HSPD1: variants seen among roughly 807,000 people sequenced by gnomAD.
HSPD1 encodes the protein heat shock protein family D (Hsp60) member 1.
A neutral mutation model predicts 53.0 loss-of-function variants in HSPD1; 3 were observed. The observed-to-expected ratio is 0.06, with a 90% confidence interval of 0.03 to 0.15. The LOEUF is 0.15. Among genes scored for constraint, HSPD1 ranks in the 10% least tolerant of loss-of-function variants. The pLI is 1.00. For synonymous variants in HSPD1, 200 were observed against 228.0 expected, an observed-to-expected ratio of 0.88 and a Z score of 1.10; for missense variants, 431 against 694.1, an observed-to-expected ratio of 0.62 and a Z score of 4.26.
At chr2:197,487,657 G>A (rs2086042942) in intron 11 of HSPD1, among the ~76,000 whole-genome samples, 2 of 152,166 alleles carry the variant, frequency 1.3e-5, no homozygotes, top group Admixed American at 6.5e-5. Context: ...GCTACTCAAG[G>A]GATCCTGCTT....
chr2:197,499,404 C>A (rs1263763509), intron 1 of HSPD1: 1 of 164,106 alleles, frequency 6.1e-6, no homozygotes, highest in Non-Finnish European at 1.3e-5. Flanking sequence ...ACGCCCCCAG[C>A]AAGGTCAAGA....
rs980862898 is a variant in HSPD1 at position 197,486,730 on chromosome 2, G to C, written c.*316C>G. ...AAGCACTAAAATCCTGATTTTAACA[G>C]AATAGTAGTAAAAATGCCTCAGTGA... On this transcript the variant is annotated 3_prime_UTR_variant, in exon 12 of 12. Transcript: ENST00000388968. 2 of 365,280 alleles carry C rather than the reference G, an allele frequency of 5.5e-6. No individual in the cohort carries two copies. The highest frequency in any genetic ancestry group is 1.0e-5 in the Non-Finnish European group (2 of 191,244). The allele number at this position is 365,280 out of a possible 1,614,324, so 22.6% of individuals were successfully genotyped here.
chr2:197,489,856 C>CA (rs759970727), intron 8 of HSPD1, among the ~76,000 whole-genome samples: 12,870 of 131,424 alleles, frequency 0.098, 693 homozygotes, highest in Non-Finnish European at 0.13. Context: ...CACCCTGTCT[C>CA]AAAAAAAAAA....
Position 197,494,163 on chromosome 2 carries a change from A to G in HSPD1, c.694T>C (p.Ser232Pro), listed in dbSNP as rs755795432. 8.0e-7 allele frequency: 1 copy of G among 1,253,558 alleles called. No homozygotes were observed. Among genetic ancestry groups the G allele is most frequent in the Admixed American group, 1.7e-5 (1 of 59,494 alleles). 77.7% of individuals were successfully genotyped at this position (1,253,558 alleles called of 1,614,324 possible). Reference protein sequence around the residue: ...GYISPYFINTSKGQKCEFQDA... With the variant: ...GYISPYFINTPKGQKCEFQDA... ...GTTATTGATTTGTTCTTACCTTTTGATGTATTAATAAAGTATGGAGAAATA... is the reference window on the plus strand; with the variant it reads ...GTTATTGATTTGTTCTTACCTTTTGGTGTATTAATAAAGTATGGAGAAATA... The change falls in exon 6 of 12, where the codon TCA (serine) becomes CCA (proline). Residue 232 changes from serine (S) to proline (P), a missense_variant. Around this residue, in one of 2 missense-constraint regions of HSPD1, gnomAD observed 386 missense variants for 657.6 expected, o/e 0.59. Coordinates refer to ENST00000388968, the MANE Select transcript of HSPD1 (RefSeq NM_002156.5).
chr2:197,498,980 C>G (rs1235699829), intron 1 of HSPD1, 130 bp from the exon 2 acceptor site: 1 of 844,316 alleles, frequency 1.2e-6, no homozygotes, highest in African/African-American at 1.7e-5. Flanking sequence ...AGCCACTACG[C>G]CTGAATGACG....
At position 197,487,847 on chromosome 2, in the gene HSPD1, C is replaced by A; in HGVS notation, c.1569+11G>T. 6.2e-7 allele frequency: 1 copy of A among 1,607,950 alleles called. No homozygotes were observed. Among genetic ancestry groups the A allele is most frequent in the South Asian group, 1.1e-5 (1 of 90,886 alleles). ...AACAAAAGAATTTTTAGAAAGTGTT[C>A]AACCATTTACCTTTGTTGGGTCAAT... is the stretch of plus-strand genomic sequence containing the variant. On this transcript the variant is annotated intron_variant, in intron 11 of 11. Transcript: ENST00000388968.
rs369172755 is a variant in HSPD1, at chr2:197,493,394, G to A, written c.799C>T (p.His267Tyr). The stretch of plus-strand genomic sequence containing the variant: ...GCGATTATGACCAAAGGCTTACGGT[G>A]AGCATTGGCAATTTCAAGAGCAGGT... The part of the protein sequence containing the change: ...IVPALEIANA[H>Y]RKPLVIIAED... The change falls in exon 7 of 12, where the codon CAC (histidine) becomes TAC (tyrosine). Residue 267 changes from histidine to tyrosine, a missense_variant. By Grantham distance (83) the His-to-Tyr change is moderately conservative. Coordinates refer to ENST00000388968, the MANE Select transcript of HSPD1 (RefSeq NM_002156.5). The A allele has an allele frequency of 7.4e-6, 12 of 1,613,600 alleles. No individual in the cohort carries two copies. In the Admixed American group the frequency reaches 1.2e-4, roughly 16 times the overall value.
Position 197,487,872 on chromosome 2 carries a change from T to C in HSPD1, c.1555A>G (p.Ile519Val). ...DFVNMVEKGIIDPTKVVRTAL... is the reference protein window; with the variant it reads ...DFVNMVEKGIVDPTKVVRTAL... ...CAACCATTTACCTTTGTTGGGTCAA[T>C]GATTCCTTTTTCCACCATATTCACA... The change falls in exon 11 of 12, where the codon ATT becomes GTT. Residue 519 changes from isoleucine (I) to valine (V), a missense_variant. Transcript: ENST00000388968. 6.2e-7 allele frequency: 1 copy of C among 1,613,562 alleles called. No individual in the cohort carries two copies. The highest frequency in any genetic ancestry group is 1.1e-5 in the South Asian group (1 of 91,070).
chr2:197,492,472 G>C (rs1430243058), intron 7 of HSPD1, among the ~76,000 whole-genome samples: 1 of 152,028 alleles, frequency 6.6e-6, no homozygotes, highest in Non-Finnish European at 1.5e-5. Flanking sequence ...TTATAGCTGT[G>C]AGCCACCATG....
rs780546992 is a variant in HSPD1 at position 197,493,443 on chromosome 2, T to C, written c.750A>G (p.Lys250=). Residue 250 remains lysine (K), a synonymous_variant, in exon 7 of 12, where the codon AAA becomes AAG. Transcript: ENST00000388968. Reference sequence around the variant, plus strand: ...GTACAATGGACTGGATACTAGAAATTTTCTTTTCACTCAACAGAACATAGG... The same window carrying C: ...GTACAATGGACTGGATACTAGAAATCTTCTTTTCACTCAACAGAACATAGG... ...QDAYVLLSEK[K]ISSIQSIVPA... is the part of the protein sequence containing the mutation. 3.0e-5 allele frequency: 48 copies of C among 1,613,354 alleles called. No individual in the cohort carries two copies. The highest frequency in any genetic ancestry group is 3.9e-5 in the Non-Finnish European group (46 of 1,179,280).
chr2:197,498,205 G>A (rs2086183360), intron 2 of HSPD1, among the ~76,000 whole-genome samples: 1 of 152,124 alleles, frequency 6.6e-6, no homozygotes, highest in African/African-American at 2.4e-5. Flanking sequence ...CAACATAAAT[G>A]TAATTGATGT....
chr2:197,497,044 A>T, intron 3 of HSPD1, 96 bp downstream of exon 3: 1 of 1,227,588 alleles, frequency 8.1e-7, no homozygotes, highest in Non-Finnish European at 1.2e-6. Flanking sequence ...GAGAAGGATT[A>T]ATTTCCTCAA....
In HSPD1 at chr2:197,487,305, G is replaced by A. The variant is rs2086038257; in HGVS notation, c.1570-107C>T. The A allele has an allele frequency of 9.4e-6, 9 of 952,800 alleles. No individual in the cohort carries two copies. The South Asian group carries it at 1.1e-4, about 12-fold the overall frequency. 59.0% of individuals were successfully genotyped at this position (952,800 alleles called of 1,614,324 possible). A position where few individuals can be genotyped will look rare whatever the true frequency, so the allele number is the denominator to read the frequency against. On this transcript the variant is annotated intron_variant, in intron 11 of 11. Coordinates refer to ENST00000388968, the MANE Select transcript of HSPD1 (RefSeq NM_002156.5). ...GCTCACACCTGTAATCCAGCACTTT[G>A]GGAGGCTGAGGCAGGTAGATGACTT... is the stretch of plus-strand genomic sequence containing the variant.
intron 3 of HSPD1, among the ~76,000 whole-genome samples, chr2:197,495,772 T>C (rs1288698439): frequency 2.0e-5 from 3 of 152,118 alleles, no homozygotes; most frequent in African/African-American, 4.8e-5. Flanking sequence ...TGCCTTAATA[T>C]TAAATTTACA....
At chr2:197,500,017 C>A (rs1025515216), upstream of HSPD1, 9 of 173,752 alleles carry the variant, frequency 5.2e-5, no homozygotes, top group African/African-American at 1.2e-4. Flanking sequence ...GGTGTGCTAG[C>A]GCGCTCAGCC....
Position 197,488,299 on chromosome 2 carries a change from T to A in HSPD1, c.1390+18A>T, listed in dbSNP as rs1460786882. The A allele has an allele frequency of 1.2e-6, 2 of 1,612,046 alleles. No homozygotes were observed. Among genetic ancestry groups the A allele is most frequent in the Non-Finnish European group, 1.7e-6 (2 of 1,178,274 alleles). On this transcript the variant is annotated intron_variant, in intron 10 of 11. Transcript: ENST00000388968. ...ACTAAAATCAGGCCACAAACTCATT[T>A]AAAAGGTAACTTTTTACCAATTTTT...
At chr2:197,494,343 A>AT in intron 5 of HSPD1, 93 bp from the exon 6 acceptor site, 1 of 760,598 alleles carries the variant, frequency 1.3e-6, no homozygotes, top group African/African-American at 1.7e-5. Flanking sequence ...CCCTCTGGCC[A>AT]TAAGAGATGC....
chr2:197,492,390 A>G (rs2086104746), intron 7 of HSPD1, among the ~76,000 whole-genome samples: 2 of 151,816 alleles, frequency 1.3e-5, no homozygotes, highest in Non-Finnish European at 2.9e-5. Context: ...GGGTTTCACT[A>G]TGTTGGCCAG....
intron 7 of HSPD1, 121 bp from the exon 8 acceptor site, chr2:197,490,417 T>G (rs75982594): frequency 3.1e-6 from 2 of 650,280 alleles, no homozygotes; most frequent in Non-Finnish European, 5.3e-6. Flanking sequence ...GTTTTTGTGT[T>G]TTTTTGTTTT....
Sources: gnomAD v4.1 joint callset for allele counts (sites outside exome capture counted in the v4.1 genomes callset) on GRCh38, gnomAD v4.1.1 for gene constraint, gnomAD v4.1.1 regional missense constraint, MANE v1.5 for transcripts, NCBI Gene and HGNC (gene_info 2026-07-23, HGNC 2026-07-21) for gene names.